TRPM3: variants seen among roughly 807,000 people sequenced by gnomAD.
The protein encoded by TRPM3 is transient receptor potential cation channel subfamily M member 3.
A neutral mutation model predicts 181.2 loss-of-function variants in TRPM3; 77 were observed. The observed-to-expected ratio is 0.42, with a 90% confidence interval of 0.35 to 0.51. The LOEUF (loss-of-function observed/expected upper bound fraction) is 0.51, where lower values mean the gene tolerates loss of function less well. Ranked by LOEUF, TRPM3 falls within the 20% of genes least tolerant of loss-of-function variation. The pLI, the probability that TRPM3 is intolerant of heterozygous loss-of-function variation, is 0.01. For missense variants in TRPM3, 1,759 were observed against 2,196.7 expected, an observed-to-expected ratio of 0.80 and a Z score of 3.98; for synonymous variants, 745 against 796.4, an observed-to-expected ratio of 0.94 and a Z score of 1.09.
chr9:70,548,499 A>G (rs2045628964), intron 25 of TRPM3, among the ~76,000 whole-genome samples: 1 of 152,238 alleles, frequency 6.6e-6, no homozygotes. Flanking sequence ...GTGGATGAGC[A>G]GACAAAATGT....
intron 9 of TRPM3, among the ~76,000 whole-genome samples, chr9:70,681,164 A>G (rs562622810): frequency 2.0e-5 from 3 of 152,268 alleles, no homozygotes; most frequent in South Asian, 4.1e-4. Flanking sequence ...ATGCCATATC[A>G]AATGGTTTTT....
intron 1 of TRPM3, among the ~76,000 whole-genome samples, chr9:71,204,025 C>G (rs2078965228): frequency 6.6e-6 from 1 of 151,966 alleles, no homozygotes; most frequent in African/African-American, 2.4e-5. Flanking sequence ...AAAGCTGAAA[C>G]TGGATCCCTT....
chr9:70,882,740 G>C (rs2132712468), intron 1 of TRPM3, among the ~76,000 whole-genome samples: 1 of 152,092 alleles, frequency 6.6e-6, no homozygotes, highest in African/African-American at 2.4e-5. Flanking sequence ...GCCCACTCCT[G>C]GTGTCTCCCT....
At chr9:71,404,665 T>C (rs1336541325) in intron 1 of TRPM3, among the ~76,000 whole-genome samples, 1 of 152,156 alleles carries the variant, frequency 6.6e-6, no homozygotes, top group African/African-American at 2.4e-5. Context: ...CTGGAGGTAT[T>C]TCAAGATAAT....
chr9:71,229,943 C>A (rs931468018), intron 1 of TRPM3, among the ~76,000 whole-genome samples: 6 of 151,856 alleles, frequency 4.0e-5, no homozygotes, highest in Middle Eastern at 3.2e-3. Flanking sequence ...GTATATACAC[C>A]GGAGAAAGGA....
At chr9:71,425,320 C>T (rs992863933) in intron 1 of TRPM3, among the ~76,000 whole-genome samples, 1 of 152,062 alleles carries the variant, frequency 6.6e-6, no homozygotes, top group Non-Finnish European at 1.5e-5. Flanking sequence ...CAATTTGTTG[C>T]CACCATCTCA....
At chr9:70,690,560 T>G (rs1476777345) in intron 8 of TRPM3, among the ~76,000 whole-genome samples, 3 of 151,548 alleles carry the variant, frequency 2.0e-5, no homozygotes, top group Non-Finnish European at 4.4e-5. Context: ...TTATATTTAT[T>G]TATATTTATT....
At chr9:71,387,611 T>C (rs2092956556) in intron 1 of TRPM3, among the ~76,000 whole-genome samples, 1 of 152,172 alleles carries the variant, frequency 6.6e-6, no homozygotes, top group Non-Finnish European at 1.5e-5. Context: ...AAGGAAAACT[T>C]CTTTTGAAAC....
intron 1 of TRPM3, among the ~76,000 whole-genome samples, chr9:70,926,740 G>C (rs900634492): frequency 5.3e-5 from 8 of 152,136 alleles, no homozygotes; most frequent in Non-Finnish European, 1.0e-4. Context: ...GCATCTGATG[G>C]ACTTGGCTGT....
At chr9:70,847,677 T>A (rs541114660) in intron 3 of TRPM3, among the ~76,000 whole-genome samples, 23 of 101,370 alleles carry the variant, frequency 2.3e-4, no homozygotes, top group African/African-American at 7.9e-4. Flanking sequence ...ATAAGCCTGA[T>A]GCACAGAAGA....
intron 1 of TRPM3, among the ~76,000 whole-genome samples, chr9:71,184,653 T>C (rs1337811199): frequency 1.3e-5 from 2 of 152,108 alleles, no homozygotes; most frequent in African/African-American, 2.4e-5. Context: ...TTTGGCAACA[T>C]TACGAAGGAG....
intron 1 of TRPM3, among the ~76,000 whole-genome samples, chr9:71,063,804 G>A (rs2061595247): frequency 2.6e-5 from 4 of 152,104 alleles, no homozygotes; most frequent in Admixed American, 2.0e-4. Flanking sequence ...ACCGCCAAAG[G>A]TGTCTGTGGA....
intron 1 of TRPM3, among the ~76,000 whole-genome samples, chr9:71,025,561 T>A (rs2097888138): frequency 2.0e-5 from 3 of 152,188 alleles, no homozygotes; most frequent in Admixed American, 2.0e-4. Context: ...TTCTTATTAA[T>A]AAAGACAAGC....
chr9:71,202,626 G>A (rs976993664), intron 1 of TRPM3, among the ~76,000 whole-genome samples: 1 of 152,158 alleles, frequency 6.6e-6, no homozygotes, highest in African/African-American at 2.4e-5. Flanking sequence ...ATGGACCCAG[G>A]TACTCGGACA....
At position 70,792,609 on chromosome 9, in the gene TRPM3, G is replaced by A. The variant is rs2085752759; in HGVS notation, c.974-8330C>T. ...GAGGGACAGAGGAAGAGAGAAGGGA[G>A]GGGAAACAAAGGGAGACAGGAGAGA... On this transcript the variant is annotated intron_variant, in intron 6 of 25. Coordinates refer to ENST00000677713, the MANE Select transcript of TRPM3 (RefSeq NM_001366145.2). 4.6e-5 allele frequency among the ~76,000 whole-genome samples: 7 copies of A among 150,966 alleles called. No individual in the cohort carries two copies. In the Admixed American group the frequency reaches 4.6e-4, roughly 10 times the overall value.
At chr9:71,132,489 G>A (rs549721207) in intron 1 of TRPM3, among the ~76,000 whole-genome samples, 1 of 152,156 alleles carries the variant, frequency 6.6e-6, no homozygotes, top group African/African-American at 2.4e-5. Flanking sequence ...AACTACAAAG[G>A]GACATAAGGA....
intron 9 of TRPM3, among the ~76,000 whole-genome samples, chr9:70,659,264 C>T (rs897536691): frequency 1.3e-5 from 2 of 152,186 alleles, no homozygotes; most frequent in Admixed American, 1.3e-4. Flanking sequence ...AAACTGGCCT[C>T]ATACCTTGTT....
At chr9:70,986,181 C>T (rs1356550944) in intron 1 of TRPM3, among the ~76,000 whole-genome samples, 1 of 151,886 alleles carries the variant, frequency 6.6e-6, no homozygotes, top group African/African-American at 2.4e-5. Flanking sequence ...GCAAGACCCC[C>T]ATCTTTACCA....
chr9:70,662,576 C>T (rs996377913), intron 9 of TRPM3, among the ~76,000 whole-genome samples: 1 of 151,994 alleles, frequency 6.6e-6, no homozygotes, highest in Non-Finnish European at 1.5e-5. Flanking sequence ...AAAAAGTGGG[C>T]AAAGGTCATG....
Sources: allele counts gnomAD v4.1 joint callset (sites outside exome capture counted in the v4.1 genomes callset), GRCh38; gene constraint gnomAD v4.1.1; transcripts MANE v1.5; gene names NCBI Gene and HGNC (gene_info 2026-07-23, HGNC 2026-07-21).